DNAAF4: variants seen among roughly 807,000 people sequenced by gnomAD.
The protein encoded by DNAAF4 is dynein assembly factor 4, axonemal.
In DNAAF4, 43 loss-of-function variants were observed where a neutral mutation model predicts 51.8. The ratio of observed to expected loss-of-function variants is 0.83; its 90% CI spans 0.65 to 1.07. The LOEUF (loss-of-function observed/expected upper bound fraction) is 1.07. Ranked by LOEUF, DNAAF4 falls within the 50% of genes least tolerant of loss-of-function variation. The pLI, the probability that DNAAF4 is intolerant of heterozygous loss-of-function variation, is 0.00. For missense variants in DNAAF4, 581 were observed against 493.0 expected (o/e 1.18, Z -1.69); for synonymous variants, 194 against 165.6 (o/e 1.17, Z -1.32).
chr15:55,430,528 A>G lies in DNAAF4; in HGVS notation c.*142T>C. 3 of 1,264,652 alleles carry G rather than the reference A, an allele frequency of 2.4e-6. No homozygotes were observed. Among genetic ancestry groups the G allele is most frequent in the Non-Finnish European group, 1.0e-6 (1 of 997,576 alleles). 78.3% of individuals were successfully genotyped at this position (1,264,652 alleles called of 1,614,324 possible). A position where few individuals can be genotyped will look rare whatever the true frequency, so the allele number is the denominator to read the frequency against. Reference sequence around the variant, plus strand: ...ATTCAAGTCAAACAGTTTATTTTCTATAGATTTATAATATTTTGCCCTCAA... The same window carrying G: ...ATTCAAGTCAAACAGTTTATTTTCTGTAGATTTATAATATTTTGCCCTCAA... On this transcript the variant is annotated 3_prime_UTR_variant, in exon 10 of 10. Coordinates refer to ENST00000321149, the MANE Select transcript of DNAAF4 (RefSeq NM_130810.4).
At chr15:55,452,920 G>C (rs780430685) in intron 5 of DNAAF4, among the ~76,000 whole-genome samples, 4 of 152,186 alleles carry the variant, frequency 2.6e-5, no homozygotes, top group Non-Finnish European at 4.4e-5. Context: ...GGACCTCCCG[G>C]GTTCAAGCGA....
Position 55,496,963 on chromosome 15 carries a change from T to C in DNAAF4, c.271+749A>G, listed in dbSNP as rs183973794. On this transcript the variant is annotated intron_variant, in intron 3 of 9. Transcript: ENST00000321149. ...CTGGAGTTTCATTAACCAGGGAATA[T>C]TGACTATTCTCCCAGAAAAGGAAAC... 1.2e-4 allele frequency among the ~76,000 whole-genome samples: 18 copies of C among 152,306 alleles called. No individual in the cohort carries two copies. The East Asian group carries it at 2.7e-3, about 23-fold the overall frequency.
chr15:55,419,400 G>GGTGT (rs377523924), intron 7 of DNAAF4, among the ~76,000 whole-genome samples: 22 of 148,060 alleles, frequency 1.5e-4, no homozygotes, highest in African/African-American at 4.2e-4. Context: ...TAATTTGTGG[G>GGTGT]GTGTGTGTGT....
intron 7 of DNAAF4, among the ~76,000 whole-genome samples, chr15:55,421,904 TA>T (rs2057391445): frequency 1.0e-4 from 2 of 19,598 alleles, no homozygotes; most frequent in African/African-American, 1.8e-4. Flanking sequence ...AAATGTATAA[TA>T]ATAATAATAA....
chr15:55,476,592 T>C (rs1013005295), intron 4 of DNAAF4, among the ~76,000 whole-genome samples: 11 of 152,160 alleles, frequency 7.2e-5, no homozygotes, highest in Non-Finnish European at 1.3e-4. Flanking sequence ...ATGTGTTCTA[T>C]ACGTTTTAAT....
At chr15:55,466,101 T>A (rs955266661) in intron 5 of DNAAF4, among the ~76,000 whole-genome samples, 2 of 152,270 alleles carry the variant, frequency 1.3e-5, no homozygotes, top group Non-Finnish European at 2.9e-5. Flanking sequence ...ATAATAATTT[T>A]AAAAACACAC....
At position 55,430,498 on chromosome 15, in the gene DNAAF4, A is replaced by ACATTTCTG. The variant is rs2057475835; in HGVS notation, c.*171_*172insCAGAAATG. Reference sequence around the variant, plus strand: ...TTCTTATTTAGATTTACTTATTCAGAAATGATTCAAGTCAAACAGTTTATT... The same window carrying ACATTTCTG: ...TTCTTATTTAGATTTACTTATTCAGACATTTCTGAATGATTCAAGTCAAACAGTTTATT... On this transcript the variant is annotated 3_prime_UTR_variant, in exon 10 of 10. Transcript: ENST00000321149. 8.4e-7 allele frequency: 1 copy of ACATTTCTG among 1,188,774 alleles called. No individual in the cohort carries two copies. The highest frequency in any genetic ancestry group is 1.1e-6 in the Non-Finnish European group (1 of 944,642). 73.6% of individuals were successfully genotyped at this position (1,188,774 alleles called of 1,614,324 possible).
At chr15:55,433,923 T>TTATATA (rs2057552799) in intron 8 of DNAAF4, among the ~76,000 whole-genome samples, 1 of 11,952 alleles carries the variant, frequency 8.4e-5, no homozygotes, top group African/African-American at 2.2e-4. Context: ...ATTATATATA[T>TTATATA]TATATTATAT....
At chr15:55,501,416 C>T (rs2058697876) in intron 1 of DNAAF4, among the ~76,000 whole-genome samples, 1 of 126,180 alleles carries the variant, frequency 7.9e-6, no homozygotes, top group African/African-American at 3.1e-5. Context: ...CGCTCTTTCG[C>T]CCAGGCTGGA....
At chr15:55,487,966 A>G in intron 4 of DNAAF4, among the ~76,000 whole-genome samples, 1 of 152,178 alleles carries the variant, frequency 6.6e-6, no homozygotes, top group Admixed American at 6.5e-5. Flanking sequence ...AATATGACAC[A>G]GCAGGGGCTT....
At chr15:55,446,417 C>A (rs1041582390) in intron 6 of DNAAF4, among the ~76,000 whole-genome samples, 2 of 133,802 alleles carry the variant, frequency 1.5e-5, no homozygotes, top group African/African-American at 5.7e-5. Flanking sequence ...ACTTCCCAGA[C>A]GGGGCGGCCG....
intron 4 of DNAAF4, among the ~76,000 whole-genome samples, chr15:55,476,010 G>T (rs1190107098): frequency 1.3e-5 from 2 of 152,126 alleles, no homozygotes; most frequent in Non-Finnish European, 2.9e-5. Flanking sequence ...ACAATGAAAT[G>T]ACATGTTCAA....
In DNAAF4 at chr15:55,442,600, G is replaced by A. The variant is rs572451481; in HGVS notation, c.784-3019C>T. ...GGGGACAACTGCTTCTTCTGGAGGG[G>A]AGAGAATGAGATGGAGTTCACCAGC... On this transcript the variant is annotated intron_variant, in intron 6 of 9. Transcript: ENST00000321149. The A allele has an allele frequency of 1.1e-5, 16 of 1,399,092 alleles. No individual in the cohort carries two copies. In the Middle Eastern group the frequency reaches 1.7e-3, roughly 151 times the overall value. 86.7% of individuals were successfully genotyped at this position (1,399,092 alleles called of 1,614,324 possible).
intron 7 of DNAAF4, among the ~76,000 whole-genome samples, chr15:55,438,739 T>G (rs1181322390): frequency 1.3e-5 from 2 of 150,798 alleles, no homozygotes; most frequent in Non-Finnish European, 2.9e-5. Context: ...GAGCTGAGAT[T>G]GCACCACTAC....
chr15:55,495,483 A>T (rs770945030), intron 3 of DNAAF4, among the ~76,000 whole-genome samples: 1 of 152,178 alleles, frequency 6.6e-6, no homozygotes, highest in Non-Finnish European at 1.5e-5. Flanking sequence ...CACGCCTGAA[A>T]TCCCAGCATT....
At chr15:55,428,426 G>A (rs534744672), downstream of DNAAF4, among the ~76,000 whole-genome samples, 1 of 151,018 alleles carries the variant, frequency 6.6e-6, no homozygotes, top group African/African-American at 2.4e-5. Context: ...AGGACAGCTT[G>A]GAGGTTAAAA....
At chr15:55,433,250 A>G (rs1030966575) in intron 8 of DNAAF4, among the ~76,000 whole-genome samples, 4 of 152,074 alleles carry the variant, frequency 2.6e-5, no homozygotes, top group Non-Finnish European at 5.9e-5. Context: ...CAATAAGCCA[A>G]GAACGCACCA....
At position 55,460,826 on chromosome 15, in the gene DNAAF4, G is replaced by A. The variant is rs539915203; in HGVS notation, c.637+6104C>T. Among the ~76,000 whole-genome samples the A allele has an allele frequency of 1.8e-3, 279 of 151,202 alleles. 1 individual carries two copies. Among genetic ancestry groups the A allele is most frequent in the Non-Finnish European group, 3.1e-3 (212 of 67,884 alleles). ...GTCACCCAGGCTGGAGTGCAGTGGCGTGATCTCGACTCACCGCAACCTCCA... is the reference window on the plus strand; with the variant it reads ...GTCACCCAGGCTGGAGTGCAGTGGCATGATCTCGACTCACCGCAACCTCCA... On this transcript the variant is annotated intron_variant, in intron 5 of 9. Coordinates refer to ENST00000321149, the MANE Select transcript of DNAAF4 (RefSeq NM_130810.4).
chr15:55,457,520 G>A (rs1016678695), intron 5 of DNAAF4, among the ~76,000 whole-genome samples: 1 of 151,972 alleles, frequency 6.6e-6, no homozygotes, highest in African/African-American at 2.4e-5. Flanking sequence ...TACTTGTCCC[G>A]GCCAACATCA....
Sources: gnomAD v4.1 joint callset for allele counts (sites outside exome capture counted in the v4.1 genomes callset) on GRCh38, gnomAD v4.1.1 for gene constraint, MANE v1.5 for transcripts, NCBI Gene and HGNC (gene_info 2026-07-23, HGNC 2026-07-21) for gene names.